Variants in NRG1 observed in about 807,000 individuals in gnomAD.
NRG1 encodes the protein pro-neuregulin-1, membrane-bound isoform.
NRG1 carries 18 observed loss-of-function variants against 63.8 expected under a neutral mutation model. The observed-to-expected ratio is 0.28, with a 90% CI of 0.19 to 0.42. The LOEUF is 0.42. Among genes scored for constraint, NRG1 ranks in the 10% least tolerant of loss-of-function variants. NRG1 has a pLI of 1.00. For missense variants in NRG1, 762 were observed against 814.7 expected (o/e 0.94, Z 0.79); for synonymous variants, 302 against 301.3 (o/e 1.00, Z -0.02).
At chr8:32,397,060 G>T (rs1292107540) in intron 1 of NRG1, among the ~76,000 whole-genome samples, 1 of 152,166 alleles carries the variant, frequency 6.6e-6, no homozygotes, top group Non-Finnish European at 1.5e-5. Context: ...ATCAGTCAGT[G>T]TTTGACAGAG....
chr8:31,782,201 G>A (rs1819753620), intron 1 of NRG1, among the ~76,000 whole-genome samples: 2 of 152,100 alleles, frequency 1.3e-5, no homozygotes. Flanking sequence ...GTCTTCAGAT[G>A]CACTGAACAT....
At chr8:32,353,677 G>A (rs1038763134) in intron 1 of NRG1, among the ~76,000 whole-genome samples, 1 of 152,190 alleles carries the variant, frequency 6.6e-6, no homozygotes, top group Admixed American at 6.5e-5. Flanking sequence ...GCAACTAGTG[G>A]CAGGAATGTG....
chr8:31,776,625 G>C (rs1030166432), intron 1 of NRG1, among the ~76,000 whole-genome samples: 1 of 151,938 alleles, frequency 6.6e-6, no homozygotes, highest in African/African-American at 2.4e-5. Context: ...TGCCATGTTG[G>C]TGTGCTGCAC....
chr8:32,761,676 G>T (rs957220500), intron 11 of NRG1, among the ~76,000 whole-genome samples: 1 of 151,264 alleles, frequency 6.6e-6, no homozygotes, highest in African/African-American at 2.4e-5. Context: ...ATTCATACTT[G>T]TGTGGTAGTT....
intron 1 of NRG1, among the ~76,000 whole-genome samples, chr8:31,687,024 C>T (rs1808969720): frequency 6.6e-6 from 1 of 152,120 alleles, no homozygotes. Flanking sequence ...CAGCCTCGGC[C>T]TCCCAAAGTG....
At chr8:32,006,631 CA>C (rs1813821415) in intron 1 of NRG1, among the ~76,000 whole-genome samples, 1 of 151,952 alleles carries the variant, frequency 6.6e-6, no homozygotes, top group Admixed American at 6.6e-5. Context: ...AGAGGAGCCA[CA>C]TGAGAAGGAA....
chr8:32,679,406 A>G (rs1415603766), intron 5 of NRG1, among the ~76,000 whole-genome samples: 1 of 152,156 alleles, frequency 6.6e-6, no homozygotes, highest in Non-Finnish European at 1.5e-5. Flanking sequence ...AAATCATGAT[A>G]ATAGAAGTCT....
intron 1 of NRG1, among the ~76,000 whole-genome samples, chr8:32,089,202 A>G (rs1828736090): frequency 1.3e-5 from 2 of 152,216 alleles, no homozygotes; most frequent in Non-Finnish European, 2.9e-5. Context: ...CATACTCCAC[A>G]GCAACAGAAC....
chr8:32,527,272 C>T (rs956160380), intron 1 of NRG1, among the ~76,000 whole-genome samples: 6 of 152,144 alleles, frequency 3.9e-5, no homozygotes, highest in East Asian at 3.9e-4. Flanking sequence ...ATAAAGAAAA[C>T]GTAATATATA....
At chr8:31,836,645 A>C (rs1825716518) in intron 1 of NRG1, among the ~76,000 whole-genome samples, 1 of 152,206 alleles carries the variant, frequency 6.6e-6, no homozygotes, top group Middle Eastern at 3.4e-3. Flanking sequence ...ACAGATACAT[A>C]AGCTTCTATT....
At chr8:32,749,689 T>C (rs1828296350) in intron 7 of NRG1, 12 of 1,111,818 alleles carry the variant, frequency 1.1e-5, no homozygotes. Flanking sequence ...CTAATTTCCT[T>C]TTTCTTTAGA....
At chr8:32,244,681 C>T (rs1848439426) in intron 1 of NRG1, among the ~76,000 whole-genome samples, 1 of 152,112 alleles carries the variant, frequency 6.6e-6, no homozygotes. Context: ...GGATGCTGAA[C>T]AACATAGAGG....
At chr8:32,491,086 A>T (rs1826499132) in intron 1 of NRG1, among the ~76,000 whole-genome samples, 1 of 152,152 alleles carries the variant, frequency 6.6e-6, no homozygotes, top group Non-Finnish European at 1.5e-5. Flanking sequence ...ACGGTTCCTA[A>T]ATAATCTCTA....
chr8:32,758,679 T>C (rs1236840473), intron 9 of NRG1, among the ~76,000 whole-genome samples: 1 of 151,836 alleles, frequency 6.6e-6, no homozygotes, highest in Non-Finnish European at 1.5e-5. Flanking sequence ...CCTCCATATA[T>C]TATGTGCTTT....
chr8:31,675,446 T>G (rs1563280865), intron 1 of NRG1, among the ~76,000 whole-genome samples: 2 of 152,228 alleles, frequency 1.3e-5, no homozygotes, highest in Non-Finnish European at 2.9e-5. Flanking sequence ...ACTCAATACT[T>G]CTGCCCAGTC....
rs796830663 is a variant in NRG1 at position 32,308,577 on chromosome 8, C to T, written c.38-287251C>T. Among the ~76,000 whole-genome samples the T allele has an allele frequency of 2.7e-4, 41 of 152,258 alleles. 1 individual carries two copies. The highest frequency in any genetic ancestry group is 9.4e-4 in the African/African-American group (39 of 41,554). On this transcript the variant is annotated intron_variant, in intron 1 of 10. Transcript: ENST00000519301. ...TTTACCTCTCTAAACCCAACAAGAG[C>T]ATCAAAGCATGATGTTGGGCTTGGT...
chr8:31,868,844 C>A (rs1162592286), intron 1 of NRG1, among the ~76,000 whole-genome samples: 3 of 152,176 alleles, frequency 2.0e-5, no homozygotes, highest in African/African-American at 7.2e-5. Flanking sequence ...TCTAGTAAAG[C>A]CAGGAATCAA....
rs770213928 is a variant in NRG1 at position 32,647,994 on chromosome 8, G to A, written c.502+31109G>A. The A allele has an allele frequency of 1.1e-5, 18 of 1,613,956 alleles. No individual in the cohort carries two copies. In the East Asian group the frequency reaches 1.8e-4, roughly 16 times the overall value. On this transcript the variant is annotated intron_variant, in intron 5 of 11. Transcript: ENST00000356819. ...CCTGGTCAGCCTCTGCCTCTGCATC[G>A]CCGGCCTCAAGTGGGTATTTGTGGA...
intron 1 of NRG1, among the ~76,000 whole-genome samples, chr8:32,355,032 A>T (rs1232670251): frequency 1.3e-5 from 2 of 152,094 alleles, no homozygotes; most frequent in Non-Finnish European, 2.9e-5. Flanking sequence ...ATACACAATT[A>T]TGTATCTGTT....
Sources: allele counts gnomAD v4.1 joint callset (sites outside exome capture counted in the v4.1 genomes callset), GRCh38; gene constraint gnomAD v4.1.1; transcripts MANE v1.5; gene names NCBI Gene and HGNC (gene_info 2026-07-23, HGNC 2026-07-21).